Variants in MRPS27 observed in about 807,000 individuals in gnomAD.
MRPS27 encodes the protein small ribosomal subunit protein mS27.
MRPS27 carries 43 observed loss-of-function variants against 48.9 expected under a neutral mutation model. The observed-to-expected ratio is 0.88, with a 90% confidence interval of 0.69 to 1.13. MRPS27 has a LOEUF of 1.13. Ranked by LOEUF, MRPS27 falls within the 50% of genes most tolerant of loss-of-function variation. The pLI, the probability that MRPS27 is intolerant of heterozygous loss-of-function variation, is 0.00. For missense variants in MRPS27, 467 were observed against 476.3 expected (o/e 0.98, Z 0.18); for synonymous variants, 188 against 171.9 (o/e 1.09, Z -0.73).
chr5:72,303,485 A>T (rs1750176866), intron 2 of MRPS27, among the ~76,000 whole-genome samples: 1 of 152,210 alleles, frequency 6.6e-6, no homozygotes, highest in African/African-American at 2.4e-5. Context: ...AGAATTTTTT[A>T]GAATTGATAA....
intron 2 of MRPS27, among the ~76,000 whole-genome samples, chr5:72,312,625 T>TC (rs1277173535): frequency 6.6e-6 from 1 of 151,668 alleles, no homozygotes; most frequent in African/African-American, 2.4e-5. Context: ...ATACTGATTT[T>TC]TTTTTTTTTT....
At chr5:72,265,243 G>A (rs1298647460) in intron 4 of MRPS27, among the ~76,000 whole-genome samples, 1 of 152,168 alleles carries the variant, frequency 6.6e-6, no homozygotes, top group Non-Finnish European at 1.5e-5. Context: ...TGTAACCTGA[G>A]TAATACAAAC....
chr5:72,262,533 A>C (rs966736849), intron 4 of MRPS27, among the ~76,000 whole-genome samples: 6 of 152,182 alleles, frequency 3.9e-5, no homozygotes, highest in Non-Finnish European at 8.8e-5. Context: ...TGGCAGGACC[A>C]CTTTTAGACT....
At chr5:72,254,640 C>T (rs937887761) in intron 4 of MRPS27, among the ~76,000 whole-genome samples, 2 of 152,212 alleles carry the variant, frequency 1.3e-5, no homozygotes, top group Non-Finnish European at 2.9e-5. Context: ...ATCTCTTCTT[C>T]ATTCCCATAG....
At chr5:72,260,976 G>A (rs1007865902) in intron 4 of MRPS27, among the ~76,000 whole-genome samples, 2 of 152,136 alleles carry the variant, frequency 1.3e-5, no homozygotes, top group African/African-American at 4.8e-5. Context: ...TGATTCTCAT[G>A]CCTCAGTCTC....
intron 4 of MRPS27, among the ~76,000 whole-genome samples, chr5:72,239,996 C>G (rs956560798): frequency 6.6e-6 from 1 of 152,128 alleles, no homozygotes; most frequent in Non-Finnish European, 1.5e-5. Context: ...AGAAAAAAGT[C>G]AAGTGAAGTA....
chr5:72,264,424 AGAG>A (rs1749058759), intron 4 of MRPS27, among the ~76,000 whole-genome samples: 1 of 147,448 alleles, frequency 6.8e-6, no homozygotes, highest in Non-Finnish European at 1.5e-5. Context: ...TTAAAAAAAA[AGAG>A]AGAGAGACTT....
chr5:72,278,581 T>C (rs907199936), intron 4 of MRPS27, among the ~76,000 whole-genome samples: 1 of 152,212 alleles, frequency 6.6e-6, no homozygotes, highest in African/African-American at 2.4e-5. Context: ...TGCTTCTTCA[T>C]AGGTAGATAA....
chr5:72,240,911 A>T (rs1051300068), intron 4 of MRPS27, among the ~76,000 whole-genome samples: 1 of 152,256 alleles, frequency 6.6e-6, no homozygotes, highest in African/African-American at 2.4e-5. Flanking sequence ...ATTTGTCAAG[A>T]CACTCAGAGA....
chr5:72,253,293 G>A (rs1196967623), intron 4 of MRPS27, among the ~76,000 whole-genome samples: 2 of 152,042 alleles, frequency 1.3e-5, no homozygotes, highest in Admixed American at 1.3e-4. Context: ...TATCTATGGA[G>A]GTTTCTGTAG....
At chr5:72,279,996 C>T (rs1035349166) in intron 4 of MRPS27, among the ~76,000 whole-genome samples, 3 of 152,140 alleles carry the variant, frequency 2.0e-5, no homozygotes, top group Admixed American at 6.5e-5. Flanking sequence ...ATCCATTCTT[C>T]GCCCTTTGAT....
intron 4 of MRPS27, among the ~76,000 whole-genome samples, chr5:72,281,609 A>G (rs17310477): frequency 0.026 from 3,918 of 152,328 alleles, 83 homozygotes; most frequent in Non-Finnish European, 0.04. Context: ...GTATTCTGTT[A>G]GAAAGAGACA....
rs991218724 is a variant in MRPS27, at chr5:72,220,200, T to TG, written c.*708dup. On this transcript the variant is annotated 3_prime_UTR_variant, in exon 11 of 11. Coordinates refer to ENST00000261413, the MANE Select transcript of MRPS27 (RefSeq NM_015084.3). ...ACAGTTCACCTTGGCCTCATGTACCTGGGCTGGGGAGAGGGAGACCATTCA... is the reference window on the plus strand; with the variant it reads ...ACAGTTCACCTTGGCCTCATGTACCTGGGGCTGGGGAGAGGGAGACCATTCA... 6.5e-6 allele frequency: 1 copy of TG among 152,914 alleles called. No individual in the cohort carries two copies. The highest frequency in any genetic ancestry group is 2.4e-5 in the African/African-American group (1 of 41,458). 9.5% of individuals were successfully genotyped at this position (152,914 alleles called of 1,614,324 possible).
intron 4 of MRPS27, among the ~76,000 whole-genome samples, chr5:72,249,962 C>A (rs754754676): frequency 6.6e-5 from 10 of 151,878 alleles, no homozygotes; most frequent in Non-Finnish European, 1.5e-4. Context: ...CCAGCCTGGG[C>A]GACAGAACGA....
Position 72,220,925 on chromosome 5 carries a change from G to GCTGCTTTCTGAGCCTGGTACTC in MRPS27, c.1207_1228dup (p.Ala410GlyfsTer88). The GCTGCTTTCTGAGCCTGGTACTC allele has an allele frequency of 6.2e-7, 1 of 1,614,156 alleles. No homozygotes were observed. Among genetic ancestry groups the GCTGCTTTCTGAGCCTGGTACTC allele is most frequent in the Non-Finnish European group, 8.5e-7 (1 of 1,179,994 alleles). ...GGGACCCTATTAGGCAGATGCCTTT[G>GCTGCTTTCTGAGCCTGGTACTC]CTGCTTTCTGAGCCTGGTACTCCTG... On this transcript the variant is annotated frameshift_variant, in exon 11 of 11. Coordinates refer to ENST00000261413, the MANE Select transcript of MRPS27 (RefSeq NM_015084.3). LOFTEE classifies it high-confidence loss of function.
At chr5:72,312,054 C>T (rs1344329748) in intron 2 of MRPS27, among the ~76,000 whole-genome samples, 1 of 152,196 alleles carries the variant, frequency 6.6e-6, no homozygotes, top group Admixed American at 6.5e-5. Context: ...ATCGCTTGAA[C>T]CCAGGAGGCG....
intron 1 of MRPS27, among the ~76,000 whole-genome samples, chr5:72,316,919 C>T (rs918585727): frequency 6.6e-6 from 1 of 151,034 alleles, no homozygotes; most frequent in Non-Finnish European, 1.5e-5. Flanking sequence ...ATCCCAGGTA[C>T]TTGGGAGGCT....
intron 4 of MRPS27, among the ~76,000 whole-genome samples, chr5:72,266,130 A>G (rs1187093366): frequency 6.6e-6 from 1 of 152,222 alleles, no homozygotes; most frequent in Non-Finnish European, 1.5e-5. Flanking sequence ...TGAACCAAGC[A>G]TGATGGGATA....
At chr5:72,266,937 T>C (rs1749120655) in intron 4 of MRPS27, among the ~76,000 whole-genome samples, 1 of 152,198 alleles carries the variant, frequency 6.6e-6, no homozygotes, top group Non-Finnish European at 1.5e-5. Context: ...GAAAATATGC[T>C]GAATTTTATG....
Sources: allele counts gnomAD v4.1 joint callset (sites outside exome capture counted in the v4.1 genomes callset), GRCh38; gene constraint gnomAD v4.1.1; transcripts MANE v1.5; gene names NCBI Gene and HGNC (gene_info 2026-07-23, HGNC 2026-07-21).